The following HSD17B12 variants were observed in gnomAD, a reference collection of about 807,000 sequenced individuals.
HSD17B12 encodes very-long-chain 3-oxoacyl-CoA reductase.
A neutral mutation model predicts 39.3 loss-of-function variants in HSD17B12; 32 were observed. That is an observed-to-expected ratio of 0.81 (90% confidence interval 0.61 to 1.09). The LOEUF is 1.09. HSD17B12 is among the 50% of genes least tolerant of loss of function. The pLI is 0.00. For missense variants in HSD17B12, 342 were observed against 382.9 expected (o/e 0.89, Z 0.89); for synonymous variants, 150 against 146.7 (o/e 1.02, Z -0.16).
chr11:43,804,209 A>G (rs1950997980), intron 4 of HSD17B12, among the ~76,000 whole-genome samples: 1 of 152,152 alleles, frequency 6.6e-6, no homozygotes, highest in African/African-American at 2.4e-5. Flanking sequence ...GCTTTATTTA[A>G]GCTTTTATTG....
chr11:43,746,392 G>C (rs1029733204), intron 1 of HSD17B12, among the ~76,000 whole-genome samples: 2 of 149,364 alleles, frequency 1.3e-5, no homozygotes, highest in Non-Finnish European at 3.0e-5. Context: ...GCTTTTTTTT[G>C]TTAAAAACAG....
chr11:43,688,527 C>G lies in HSD17B12; in HGVS notation c.160+7540C>G, dbSNP rs111412862. On this transcript the variant is annotated intron_variant, in intron 1 of 10. Coordinates refer to ENST00000278353, the MANE Select transcript of HSD17B12 (RefSeq NM_016142.3). ...GTCGATTTTTGTCTACAAAACAATGCGTTTGCCCTATCTCTAACTGGCAAT... is the reference window on the plus strand; with the variant it reads ...GTCGATTTTTGTCTACAAAACAATGGGTTTGCCCTATCTCTAACTGGCAAT... Among the ~76,000 whole-genome samples, 990 of 152,286 alleles carry G rather than the reference C, an allele frequency of 6.5e-3. 9 individuals are homozygous for G. Among genetic ancestry groups the G allele is most frequent in the African/African-American group, 0.023 (944 of 41,550 alleles).
rs1425759520 is a variant in HSD17B12, at chr11:43,701,748, G to C, written c.160+20761G>C. On this transcript the variant is annotated intron_variant, in intron 1 of 10. Coordinates refer to ENST00000278353, the MANE Select transcript of HSD17B12 (RefSeq NM_016142.3). Reference sequence around the variant, plus strand: ...TTATTATACCTCTGTAGTATAATTTGATGTCAGGTAATGTGATTCTTCCAG... The same window carrying C: ...TTATTATACCTCTGTAGTATAATTTCATGTCAGGTAATGTGATTCTTCCAG... Among the ~76,000 whole-genome samples, 3 of 152,172 alleles carry C rather than the reference G, an allele frequency of 2.0e-5. No individual in the cohort carries two copies. In the East Asian group the frequency reaches 5.8e-4, roughly 29 times the overall value.
Position 43,747,803 on chromosome 11 carries a change from G to T in HSD17B12, c.161-3108G>T, listed in dbSNP as rs189646980. Among the ~76,000 whole-genome samples, 922 of 152,320 alleles carry T rather than the reference G, an allele frequency of 6.1e-3. 5 individuals carry two copies. Among genetic ancestry groups the T allele is most frequent in the Non-Finnish European group, 7.7e-3 (527 of 68,040 alleles). On this transcript the variant is annotated intron_variant, in intron 1 of 10. Coordinates refer to ENST00000278353, the MANE Select transcript of HSD17B12 (RefSeq NM_016142.3). ...CTGAACGTCTGCTTCTTAGATCTAA[G>T]TGACTGTACTCAATAAAAAGTGTGG...
the HSD17B12 span, among the ~76,000 whole-genome samples, chr11:43,579,728 G>A: frequency 6.6e-6 from 1 of 152,164 alleles, no homozygotes; most frequent in Non-Finnish European, 1.5e-5. Flanking sequence ...CGGAGCCGAG[G>A]GGATGCCGTG....
intron 3 of HSD17B12, among the ~76,000 whole-genome samples, chr11:43,777,143 A>G (rs374954086): frequency 3.9e-5 from 6 of 152,200 alleles, no homozygotes; most frequent in South Asian, 2.1e-4. Flanking sequence ...TTCTGTGAAG[A>G]AAGTCATTGG....
At chr11:43,792,748 G>T (rs1950879796) in intron 3 of HSD17B12, among the ~76,000 whole-genome samples, 1 of 127,488 alleles carries the variant, frequency 7.8e-6, no homozygotes. Context: ...GTCTCAAACT[G>T]CAGGGCTCAA....
intron 3 of HSD17B12, among the ~76,000 whole-genome samples, chr11:43,792,917 A>C (rs1025379794): frequency 1.3e-5 from 2 of 152,124 alleles, no homozygotes; most frequent in Admixed American, 6.6e-5. Flanking sequence ...GGAATTCAAG[A>C]AGTATTGAGA....
the HSD17B12 span, among the ~76,000 whole-genome samples, chr11:43,578,005 G>A: frequency 2.6e-5 from 4 of 152,164 alleles, no homozygotes; most frequent in Non-Finnish European, 5.9e-5. Flanking sequence ...GAGGAGGGAG[G>A]AAGATTATCA....
chr11:43,647,729 G>A, the HSD17B12 span, among the ~76,000 whole-genome samples: 1 of 152,128 alleles, frequency 6.6e-6, no homozygotes, highest in South Asian at 2.1e-4. Context: ...GTACACTTAA[G>A]TTTGGTACGT....
At chr11:43,597,957 A>G in the HSD17B12 span, among the ~76,000 whole-genome samples, 10 of 152,052 alleles carry the variant, frequency 6.6e-5, no homozygotes, top group Non-Finnish European at 1.5e-4. Flanking sequence ...TCTTTTTTGT[A>G]TCACTTCAAG....
the HSD17B12 span, among the ~76,000 whole-genome samples, chr11:43,675,623 C>A: frequency 2.7e-5 from 4 of 150,518 alleles, no homozygotes; most frequent in Admixed American, 6.6e-5. Context: ...AAAAAAAAAA[C>A]CCTCTAGTTG....
chr11:43,678,034 T>C (rs1419904808), upstream of HSD17B12, among the ~76,000 whole-genome samples: 1 of 152,210 alleles, frequency 6.6e-6, no homozygotes, highest in East Asian at 1.9e-4. Context: ...GTTGAACTAG[T>C]TTACAGTCCC....
chr11:43,807,381 G>T (rs1309380689), intron 4 of HSD17B12, among the ~76,000 whole-genome samples: 1 of 152,084 alleles, frequency 6.6e-6, no homozygotes, highest in Admixed American at 6.6e-5. Flanking sequence ...TGGAGGAAAC[G>T]GCATGTACAA....
chr11:43,585,033 T>C, the HSD17B12 span, among the ~76,000 whole-genome samples: 5 of 152,192 alleles, frequency 3.3e-5, no homozygotes, highest in Admixed American at 2.0e-4. Flanking sequence ...TCCTGGACCA[T>C]CTGAGGCCTC....
At chr11:43,732,875 A>G (rs1267085853) in intron 1 of HSD17B12, among the ~76,000 whole-genome samples, 1 of 152,108 alleles carries the variant, frequency 6.6e-6, no homozygotes, top group Non-Finnish European at 1.5e-5. Context: ...TGGCTCAGGC[A>G]ATCGTCTTGC....
intron 6 of HSD17B12, among the ~76,000 whole-genome samples, chr11:43,822,952 T>C (rs1951197215): frequency 1.3e-5 from 2 of 152,170 alleles, no homozygotes; most frequent in African/African-American, 4.8e-5. Flanking sequence ...CCACCAACCG[T>C]GTGGAAGAGC....
the HSD17B12 span, among the ~76,000 whole-genome samples, chr11:43,632,108 C>T: frequency 6.6e-6 from 1 of 152,202 alleles, no homozygotes; most frequent in Non-Finnish European, 1.5e-5. Flanking sequence ...TCGTTATTCT[C>T]TATCACGACC....
At position 43,798,407 on chromosome 11, in the gene HSD17B12, G is replaced by T. The variant is rs765641588; in HGVS notation, c.371G>T (p.Gly124Val). ...GATAAAATTAAAACAGGCTTGGCTGGTCTTGAAATCGGCATCTTAGGTTTG... is the reference window on the plus strand; with the variant it reads ...GATAAAATTAAAACAGGCTTGGCTGTTCTTGAAATCGGCATCTTAGGTTTG... ...IYDKIKTGLA[G>V]LEIGILVNNV... The change falls in exon 4 of 11, where the codon GGT (glycine) becomes GTT (valine). Residue 124 changes from glycine to valine, a missense_variant. By Grantham distance (109) the Gly-to-Val change is moderately radical. Transcript: ENST00000278353. 2 of 1,610,078 alleles carry T rather than the reference G, an allele frequency of 1.2e-6. No individual in the cohort carries two copies. Among genetic ancestry groups the T allele is most frequent in the African/African-American group, 1.3e-5 (1 of 74,774 alleles).
Sources: gnomAD v4.1 joint callset for allele counts (sites outside exome capture counted in the v4.1 genomes callset) on GRCh38, gnomAD v4.1.1 for gene constraint, MANE v1.5 for transcripts, NCBI Gene and HGNC (gene_info 2026-07-23, HGNC 2026-07-21) for gene names.